The following PLPPR2 variants were observed in gnomAD, a reference collection of about 807,000 sequenced individuals.
The protein encoded by PLPPR2 is phospholipid phosphatase-related protein type 2.
Under a neutral mutation model 40.3 loss-of-function variants are expected in PLPPR2, and 11 were observed. The observed-to-expected ratio is 0.27, with a 90% CI of 0.17 to 0.45. The LOEUF (loss-of-function observed/expected upper bound fraction) is 0.45, where lower values mean the gene tolerates loss of function less well. PLPPR2 is among the 20% of genes least tolerant of loss of function. The probability of loss-of-function intolerance (pLI) is 1.00; values close to 1 mark genes in which losing one functional copy is unlikely to be tolerated. For synonymous variants in PLPPR2, 260 were observed against 290.8 expected (o/e 0.89, Z 1.08); for missense variants, 497 against 640.7 (o/e 0.78, Z 2.42).
chr19:11,359,526 T>A lies in PLPPR2; in HGVS notation c.67-6T>A, dbSNP rs1481667207. 1 of 1,531,066 alleles carries A rather than the reference T, an allele frequency of 6.5e-7. No individual in the cohort carries two copies. The highest frequency in any genetic ancestry group is 2.4e-5 in the East Asian group (1 of 42,522). The allele number at this position is 1,531,066 out of a possible 1,614,324, so 94.8% of individuals were successfully genotyped here. On this transcript the variant is annotated splice_region_variant and splice_polypyrimidine_tract_variant and intron_variant, in intron 3 of 9. Coordinates refer to ENST00000688289, the MANE Select transcript of PLPPR2 (RefSeq NM_001393892.1). The surrounding 1 kb of genome is among the most constrained non-coding windows in gnomAD (Gnocchi z 5.6). ...GCCACCTCTCCCCGCCCTGGCTTGG[T>A]GGCAGTCGGTGCTGCTGGGCATTGT...
At chr19:11,357,439 C>A (rs1967918137) in intron 2 of PLPPR2, among the ~76,000 whole-genome samples, 1 of 151,800 alleles carries the variant, frequency 6.6e-6, no homozygotes, top group African/African-American at 2.4e-5. Flanking sequence ...GGAGTGGTGT[C>A]AGAGGAGGCA....
At position 11,363,971 on chromosome 19, in the gene PLPPR2, C is replaced by A; in HGVS notation, c.963+136C>A. On this transcript the variant is annotated intron_variant, in intron 8 of 9. Transcript: ENST00000688289. The surrounding 1 kb of genome is among the most constrained non-coding windows in gnomAD (Gnocchi z 4.8). The stretch of plus-strand genomic sequence containing the variant: ...TGGAGGGATCACCCATCTCTGTGGA[C>A]ATAGGTCCTGGGCGGACAGCCCCAA... 7.5e-7 allele frequency: 1 copy of A among 1,338,858 alleles called. No homozygotes were observed. The highest frequency in any genetic ancestry group is 1.0e-6 in the Non-Finnish European group (1 of 987,520). 82.9% of individuals were successfully genotyped at this position (1,338,858 alleles called of 1,614,324 possible). A position where few individuals can be genotyped will look rare whatever the true frequency, so the allele number is the denominator to read the frequency against.
intron 5 of PLPPR2, among the ~76,000 whole-genome samples, chr19:11,360,286 CAAA>C (rs71164193): frequency 2.0e-4 from 17 of 85,234 alleles, no homozygotes; most frequent in South Asian, 4.0e-4. Flanking sequence ...AACTCCGTCT[CAAA>C]AAAAAAAAAA....
chr19:11,364,647 A>T lies in PLPPR2; in HGVS notation c.1316A>T (p.Asn439Ile). The change falls in exon 10 of 10, where the codon AAC becomes ATC. Residue 439 changes from asparagine (N) to isoleucine (I), a missense_variant. Transcript: ENST00000688289. This position sits in a 1 kb window ranked among gnomAD's most constrained non-coding sequence, Gnocchi z 5.8. The part of the protein sequence containing the change: ...GLYPSPFHRD[N>I]FSPYLFASRD... ...TATCCCTCCCCCTTCCACCGGGACA[A>T]CTTCAGCCCTTACCTGTTTGCCAGC... 1 of 1,536,864 alleles carries T rather than the reference A, an allele frequency of 6.5e-7. No individual in the cohort carries two copies. The highest frequency in any genetic ancestry group is 8.7e-7 in the Non-Finnish European group (1 of 1,146,832).
chr19:11,364,091 A>AGCT lies in PLPPR2; in HGVS notation c.964-69_964-67dup. ...TTTCCATGGGGCTCTTCACCTGATGAGCTCCTTGTGGCTGTGGCCGGTAGG... is the reference window on the plus strand; with the variant it reads ...TTTCCATGGGGCTCTTCACCTGATGAGCTGCTCCTTGTGGCTGTGGCCGGTAGG... On this transcript the variant is annotated intron_variant, in intron 8 of 9. Transcript: ENST00000688289. The surrounding 1 kb of genome is among the most constrained non-coding windows in gnomAD (Gnocchi z 5.8). 1 of 1,534,592 alleles carries AGCT rather than the reference A, an allele frequency of 6.5e-7. No individual in the cohort carries two copies. Among genetic ancestry groups the AGCT allele is most frequent in the Non-Finnish European group, 8.8e-7 (1 of 1,134,912 alleles).
At chr19:11,358,087 C>T (rs1285549879) in intron 3 of PLPPR2, among the ~76,000 whole-genome samples, 1 of 151,976 alleles carries the variant, frequency 6.6e-6, no homozygotes, top group Non-Finnish European at 1.5e-5. Context: ...TAGGGTCTCA[C>T]TCTGTCACCC....
In PLPPR2 at chr19:11,363,753, C is replaced by T; in HGVS notation, c.881C>T (p.Ser294Phe). 6.2e-7 allele frequency: 1 copy of T among 1,614,186 alleles called. No homozygotes were observed. Among genetic ancestry groups the T allele is most frequent in the Admixed American group, 1.7e-5 (1 of 60,012 alleles). ...VVHNFQSRPP[S>F]GRRLSPWEDL... ...CATAACTTTCAGAGCCGGCCACCCT[C>T]TGGCCGAAGGCTCTCTCCCTGGGAG... Residue 294 changes from serine to phenylalanine, a missense_variant, in exon 8 of 10, where the codon TCT (serine) becomes TTT (phenylalanine). Transcript: ENST00000688289. The surrounding 1 kb of genome is among the most constrained non-coding windows in gnomAD (Gnocchi z 4.8).
chr19:11,357,850 C>G (rs1196863031), intron 3 of PLPPR2, 111 bp downstream of exon 3: 1 of 822,526 alleles, frequency 1.2e-6, no homozygotes, highest in Non-Finnish European at 1.8e-6. Flanking sequence ...CCCTTGCTGT[C>G]CCCTTTCTCT....
At chr19:11,355,909 T>A (rs1967854658) in intron 1 of PLPPR2, among the ~76,000 whole-genome samples, 1 of 151,610 alleles carries the variant, frequency 6.6e-6, no homozygotes, top group Admixed American at 6.6e-5. Flanking sequence ...GTCACTGTCA[T>A]TGTGCGGCTG....
At chr19:11,357,779 T>C (rs1967930565) in intron 3 of PLPPR2, 40 bp downstream of exon 3, 1 of 1,511,976 alleles carries the variant, frequency 6.6e-7, no homozygotes, top group Middle Eastern at 1.7e-4. Context: ...GGCGTGCCTA[T>C]CTCTGTCTCT....
chr19:11,359,645 C>T lies in PLPPR2; in HGVS notation c.180C>T (p.Tyr60=). Residue 60 remains tyrosine (Y), a synonymous_variant, in exon 4 of 10, where the codon TAC becomes TAT. Coordinates refer to ENST00000688289, the MANE Select transcript of PLPPR2 (RefSeq NM_001393892.1). This position sits in a 1 kb window ranked among gnomAD's most constrained non-coding sequence, Gnocchi z 5.6. ...FCYDSTYAKP[Y]PGPEAASRVP... is the part of the protein sequence containing the mutation. ...ATGACAGTACCTACGCCAAGCCCTA[C>T]CCAGGGCCTGAGGCTGCCAGCCGAG... is the stretch of plus-strand genomic sequence containing the variant. The T allele has an allele frequency of 6.2e-7, 1 of 1,612,988 alleles. No individual in the cohort carries two copies. The highest frequency in any genetic ancestry group is 8.5e-7 in the Non-Finnish European group (1 of 1,179,436).
chr19:11,358,768 G>T (rs1967964398), intron 3 of PLPPR2, among the ~76,000 whole-genome samples: 1 of 151,180 alleles, frequency 6.6e-6, no homozygotes. Context: ...AGGCTGGAGT[G>T]CAGTGGCACG....
rs3745690 is a variant in PLPPR2 at position 11,355,475 on chromosome 19, T to C, written c.-287T>C. On this transcript the variant is annotated 5_prime_UTR_variant, in exon 1 of 10. Coordinates refer to ENST00000688289, the MANE Select transcript of PLPPR2 (RefSeq NM_001393892.1). ...GGCCCGGCCGACCGCGTCTCGGTCT[T>C]CGCGTCTGCCAGCCTGGCTGGCAGT... The C allele has an allele frequency of 0.45, 67,959 of 152,098 alleles. 15,251 individuals are homozygous for C. The highest frequency in any genetic ancestry group is 0.47 in the Non-Finnish European group (31,892 of 67,902). 9.4% of individuals were successfully genotyped at this position (152,098 alleles called of 1,614,324 possible). A position where few individuals can be genotyped will look rare whatever the true frequency, so the allele number is the denominator to read the frequency against.
At chr19:11,356,430 GTCTC>G (rs1021703145) in intron 1 of PLPPR2, among the ~76,000 whole-genome samples, 13 of 126,092 alleles carry the variant, frequency 1.0e-4, no homozygotes, top group South Asian at 2.4e-4. Context: ...CTCCTGACAT[GTCTC>G]TCTCTGTTTG....
At position 11,359,863 on chromosome 19, in the gene PLPPR2, C is replaced by T. The variant is rs766642612; in HGVS notation, c.298C>T (p.Pro100Ser). 1 of 1,613,838 alleles carries T rather than the reference C, an allele frequency of 6.2e-7. No individual in the cohort carries two copies. Among genetic ancestry groups the T allele is most frequent in the Admixed American group, 1.7e-5 (1 of 59,980 alleles). Residue 100 changes from proline (P) to serine (S), a missense_variant, in exon 5 of 10, where the codon CCT (proline) becomes TCT (serine). Transcript: ENST00000688289. The surrounding 1 kb of genome is among the most constrained non-coding windows in gnomAD (Gnocchi z 5.6). Reference protein sequence around the residue: ...ELARAFFPAPPSAVPVIGEST... With the variant: ...ELARAFFPAPSSAVPVIGEST... The stretch of plus-strand genomic sequence containing the variant: ...GGCGCGTGCCTTTTTCCCTGCACCA[C>T]CTTCAGCCGTCCCAGTCATCGGGGA...
chr19:11,359,000 C>T (rs1467721869), intron 3 of PLPPR2, among the ~76,000 whole-genome samples: 2 of 152,062 alleles, frequency 1.3e-5, no homozygotes, highest in Non-Finnish European at 2.9e-5. Flanking sequence ...CAAGCATGAG[C>T]CACGTTTTAA....
intron 3 of PLPPR2, among the ~76,000 whole-genome samples, chr19:11,358,700 T>TTCCC (rs1406209261): frequency 1.3e-5 from 2 of 151,660 alleles, no homozygotes; most frequent in African/African-American, 4.8e-5. Flanking sequence ...TTTTCTTTCT[T>TTCCC]TCCCTCCCTC....
chr19:11,357,559 G>A (rs961409199), intron 2 of PLPPR2, 101 bp from the exon 3 acceptor site: 3 of 762,410 alleles, frequency 3.9e-6, no homozygotes, highest in Non-Finnish European at 6.1e-6. Flanking sequence ...AGGGCCAGGG[G>A]TGTGGCCAAA....
rs1382308426 is a variant in PLPPR2, at chr19:11,364,754, G to A, written c.*64G>A. 2.8e-5 allele frequency: 43 copies of A among 1,518,120 alleles called. No individual in the cohort carries two copies. Among genetic ancestry groups the A allele is most frequent in the Admixed American group, 8.0e-5 (4 of 50,250 alleles). 94.0% of individuals were successfully genotyped at this position (1,518,120 alleles called of 1,614,324 possible). A position where few individuals can be genotyped will look rare whatever the true frequency, so the allele number is the denominator to read the frequency against. ...TCTTCCCTGCCACGCGTGTGTGTGCGTGTGCCACGTGAGTGCCAAAGTCCC... is the reference window on the plus strand; with the variant it reads ...TCTTCCCTGCCACGCGTGTGTGTGCATGTGCCACGTGAGTGCCAAAGTCCC... On this transcript the variant is annotated 3_prime_UTR_variant, in exon 10 of 10. Coordinates refer to ENST00000688289, the MANE Select transcript of PLPPR2 (RefSeq NM_001393892.1). This position sits in a 1 kb window ranked among gnomAD's most constrained non-coding sequence, Gnocchi z 5.8.
Sources: allele counts gnomAD v4.1 joint callset (sites outside exome capture counted in the v4.1 genomes callset), GRCh38; gene constraint gnomAD v4.1.1; non-coding constraint Gnocchi (gnomAD v3.1); transcripts MANE v1.5; gene names NCBI Gene and HGNC (gene_info 2026-07-23, HGNC 2026-07-21).